The following SUN1 variants were observed in gnomAD, a reference collection of about 807,000 sequenced individuals.
SUN1 encodes the protein SUN domain-containing protein 1.
Under a neutral mutation model 103.2 loss-of-function variants are expected in SUN1, and 61 were observed. The observed-to-expected ratio is 0.59, with a 90% CI of 0.48 to 0.73. SUN1 has a LOEUF of 0.73. SUN1 is among the 30% of genes least tolerant of loss of function. The pLI, the probability that SUN1 is intolerant of heterozygous loss-of-function variation, is 0.00. For synonymous variants in SUN1, 490 were observed against 425.7 expected (o/e 1.15, Z -1.86); for missense variants, 1,052 against 1,034.6 (o/e 1.02, Z -0.23).
rs373801517 is a variant in SUN1 at position 817,528 on chromosome 7, C to G, written c.-74+855C>G. ...GGCGGTGCGGTCCGAGGTCTCTGCTCTCGCTTTGCAGCTTGTGGTTGCTGC... is the reference window on the plus strand; with the variant it reads ...GGCGGTGCGGTCCGAGGTCTCTGCTGTCGCTTTGCAGCTTGTGGTTGCTGC... On this transcript the variant is annotated intron_variant, in intron 1 of 17. Transcript: ENST00000389574. 739 of 1,535,392 alleles carry G rather than the reference C, an allele frequency of 4.8e-4. 6 individuals are homozygous for G. The African/African-American group carries it at 8.7e-3, about 18-fold the overall frequency.
In SUN1 at chr7:838,916, G is replaced by C. The variant is rs1001533346; in HGVS notation, c.196G>C (p.Gly66Arg). ...LRLATTACTL[G>R]DGEAVGADSG... ...CCTGGCCACGACAGCATGCACCCTG[G>C]GGGATGGTGAGGCTGTGGGTGCCGA... Residue 66 changes from glycine (G) to arginine (R), a missense_variant, in exon 2 of 19, where the codon GGG (glycine) becomes CGG (arginine). Around this residue, in one of 2 missense-constraint regions of SUN1, gnomAD observed 846 missense variants for 774.5 expected, o/e 1.09. Transcript: ENST00000401592. 3.7e-6 allele frequency: 6 copies of C among 1,611,428 alleles called. No individual in the cohort carries two copies. The highest frequency in any genetic ancestry group is 5.1e-6 in the Non-Finnish European group (6 of 1,179,246).
chr7:869,770 C>G (rs1840069398), intron 17 of SUN1, among the ~76,000 whole-genome samples: 1 of 152,176 alleles, frequency 6.6e-6, no homozygotes, highest in African/African-American at 2.4e-5. Context: ...TTGCTCCTCA[C>G]CGCCCTTGCC....
chr7:855,611 A>G (rs1023118765), intron 11 of SUN1, among the ~76,000 whole-genome samples: 6 of 151,984 alleles, frequency 3.9e-5, no homozygotes, highest in Non-Finnish European at 7.4e-5. Flanking sequence ...TATGTAGCAC[A>G]CCCTTTTGGG....
At chr7:847,043 G>A (rs1816539553) in intron 5 of SUN1, among the ~76,000 whole-genome samples, 1 of 152,226 alleles carries the variant, frequency 6.6e-6, no homozygotes, top group Non-Finnish European at 1.5e-5. Flanking sequence ...TAGCAAAGGA[G>A]GAGATTCTGG....
Position 852,922 on chromosome 7 carries a change from C to G in SUN1, c.1023C>G (p.Pro341=). The G allele has an allele frequency of 6.2e-7, 1 of 1,613,740 alleles. No individual in the cohort carries two copies. The highest frequency in any genetic ancestry group is 8.5e-7 in the Non-Finnish European group (1 of 1,179,890). The change falls in exon 9 of 19, where the codon CCC becomes CCG. Residue 341 remains proline (P), a synonymous_variant. Transcript: ENST00000401592. ...RVDDPQDVFK[P]TTSRLKQPLQ... Reference sequence around the variant, plus strand: ...ATGACCCCCAGGACGTGTTTAAACCCACGACTTCTCGCCTGAAGCAGCCTC... The same window carrying G: ...ATGACCCCCAGGACGTGTTTAAACCGACGACTTCTCGCCTGAAGCAGCCTC...
In SUN1 at chr7:826,769, C is replaced by T. The variant is rs538852894; in HGVS notation, c.-74+10096C>T. Among the ~76,000 whole-genome samples the T allele has an allele frequency of 2.6e-5, 4 of 152,298 alleles. No individual in the cohort carries two copies. The East Asian group carries it at 7.7e-4, about 29-fold the overall frequency. On this transcript the variant is annotated intron_variant, in intron 1 of 17. Transcript: ENST00000389574. ...GTTAGTCCACATCGTCAGTGACCAA[C>T]GCTGGGGCACAGGAAATGCAGCCTG...
intron 14 of SUN1, 48 bp downstream of exon 14, chr7:860,430 C>A (rs1424097946): frequency 6.3e-7 from 1 of 1,596,114 alleles, no homozygotes; most frequent in Non-Finnish European, 8.5e-7. Flanking sequence ...CCATTCTGTG[C>A]TGAGACTGAA....
Position 832,544 on chromosome 7 carries a change from A to G in SUN1, c.20A>G (p.His7Arg). 2 of 1,613,480 alleles carry G rather than the reference A, an allele frequency of 1.2e-6. No individual in the cohort carries two copies. The highest frequency in any genetic ancestry group is 1.7e-6 in the Non-Finnish European group (2 of 1,179,692). Residue 7 changes from histidine to arginine, a missense_variant, in exon 1 of 19, where the codon CAC becomes CGC. Coordinates refer to ENST00000401592, the MANE Select transcript of SUN1 (RefSeq NM_001130965.3). MDFSRL[H>R]MYSPPQCVPE... ...GTGAACATGGATTTTTCTCGGCTTC[A>G]CATGTACAGTCCTCCCCAGTGTGTG...
chr7:837,975 C>G (rs1244016311), intron 1 of SUN1, among the ~76,000 whole-genome samples: 2 of 152,236 alleles, frequency 1.3e-5, no homozygotes, highest in South Asian at 4.1e-4. Flanking sequence ...CTCTCTTGTC[C>G]CCACCTCAGC....
intron 17 of SUN1, among the ~76,000 whole-genome samples, chr7:870,135 G>A (rs2128561742): frequency 6.6e-6 from 1 of 151,344 alleles, no homozygotes; most frequent in South Asian, 2.1e-4. Context: ...GATATAGGAG[G>A]TGGAGGTTGC....
intron 1 of SUN1, chr7:817,599 C>A (rs143226329): frequency 0.02 from 28,466 of 1,407,234 alleles, 356 homozygotes; most frequent in Non-Finnish European, 0.024. Context: ...ATTGTGTCTT[C>A]TAAGCTTCAG....
upstream of SUN1, among the ~76,000 whole-genome samples, chr7:830,286 C>T (rs1055221735): frequency 5.3e-5 from 8 of 152,196 alleles, no homozygotes; most frequent in East Asian, 1.5e-3. Context: ...TTCTGCTTGG[C>T]ATGAGCCTGG....
intron 1 of SUN1, among the ~76,000 whole-genome samples, chr7:836,305 C>G (rs79593091): frequency 0.024 from 3,630 of 152,200 alleles, 174 homozygotes; most frequent in East Asian, 0.19. Flanking sequence ...ACTTTTCCAT[C>G]GCAGCAGGCA....
rs563879009 is a variant in SUN1 at position 821,988 on chromosome 7, C to T, written c.-74+5315C>T. Among the ~76,000 whole-genome samples the T allele has an allele frequency of 3.9e-5, 6 of 152,292 alleles. No homozygotes were observed. The East Asian group carries it at 9.6e-4, about 24-fold the overall frequency. Reference sequence around the variant, plus strand: ...GTTTCATTGATTGAAAGCCTGCCCTCGTTTTCTTCTTCCCCTTGCTTCCTA... The same window carrying T: ...GTTTCATTGATTGAAAGCCTGCCCTTGTTTTCTTCTTCCCCTTGCTTCCTA... On this transcript the variant is annotated intron_variant, in intron 1 of 17. Transcript: ENST00000389574.
intron 12 of SUN1, among the ~76,000 whole-genome samples, chr7:856,686 G>A (rs907430465): frequency 5.3e-5 from 8 of 152,200 alleles, no homozygotes; most frequent in African/African-American, 1.9e-4. Flanking sequence ...CATCTCCAGG[G>A]TCCTTGCAGG....
chr7:839,321 C>G, intron 2 of SUN1: 1 of 265,632 alleles, frequency 3.8e-6, no homozygotes, highest in Non-Finnish European at 7.1e-6. Context: ...GCTGTCCTAC[C>G]ACATGTGTAA....
At chr7:844,304 C>T (rs1813038307) in intron 5 of SUN1, among the ~76,000 whole-genome samples, 1 of 152,206 alleles carries the variant, frequency 6.6e-6, no homozygotes, top group Admixed American at 6.5e-5. Flanking sequence ...CTGCCTGGTT[C>T]TCAAGCCCTT....
rs1377247683 is a variant in SUN1, at chr7:856,340, A to T, written c.1351-18A>T. 1.2e-6 allele frequency: 2 copies of T among 1,612,866 alleles called. No individual in the cohort carries two copies. The highest frequency in any genetic ancestry group is 3.3e-5 in the Admixed American group (2 of 59,996). On this transcript the variant is annotated intron_variant, in intron 11 of 18. Coordinates refer to ENST00000401592, the MANE Select transcript of SUN1 (RefSeq NM_001130965.3). ...TATAACTTATGTGTTTCAGTAGACT[A>T]TTTCTCATACTTTTTAGGCCATCCA...
chr7:817,754 C>G (rs981910352), intron 1 of SUN1, among the ~76,000 whole-genome samples: 1 of 152,204 alleles, frequency 6.6e-6, no homozygotes, highest in Non-Finnish European at 1.5e-5. Flanking sequence ...TTGTTGGACA[C>G]TTGATAGTTT....
Sources: gnomAD v4.1 joint callset for allele counts (sites outside exome capture counted in the v4.1 genomes callset) on GRCh38, gnomAD v4.1.1 for gene constraint, gnomAD v4.1.1 regional missense constraint, MANE v1.5 for transcripts, NCBI Gene and HGNC (gene_info 2026-07-23, HGNC 2026-07-21) for gene names.